GTF3C1: variants seen among roughly 807,000 people sequenced by gnomAD.
GTF3C1 encodes general transcription factor IIIC subunit 1, also known as general transcription factor 3C polypeptide 1.
In GTF3C1, 57 loss-of-function variants were observed where a neutral mutation model predicts 226.7. That is an observed-to-expected ratio of 0.25 (90% CI 0.20 to 0.31). The LOEUF (loss-of-function observed/expected upper bound fraction) is 0.31. Among genes scored for constraint, GTF3C1 ranks in the 10% least tolerant of loss-of-function variants. The probability of loss-of-function intolerance (pLI) is 1.00; values close to 1 mark genes in which losing one functional copy is unlikely to be tolerated. For synonymous variants in GTF3C1, 1,090 were observed against 1,084.8 expected (o/e 1.00, Z -0.09); for missense variants, 2,217 against 2,776.1 (o/e 0.80, Z 4.53).
rs1028496201 is a variant in GTF3C1 at position 27,478,458 on chromosome 16, T to C, written c.4259+11A>G. 3 of 1,559,238 alleles carry C rather than the reference T, an allele frequency of 1.9e-6. No homozygotes were observed. In the South Asian group the frequency reaches 3.3e-5, roughly 17 times the overall value. ...AGCTGAGGAAAAGCTACTCTATATA[T>C]CAGTACTTACCTGTTAAGTTCATCC... is the stretch of plus-strand genomic sequence containing the variant. On this transcript the variant is annotated intron_variant, in intron 28 of 36. Coordinates refer to ENST00000356183, the MANE Select transcript of GTF3C1 (RefSeq NM_001520.4).
In GTF3C1 at chr16:27,465,410, A is replaced by G. The variant is rs1309397448; in HGVS notation, c.5205T>C (p.Ser1735=). The part of the protein sequence containing the change: ...FVLQLELSGY[S]PEDLTAALEI... ...CCAAGGCAGCAGTCAGGTCTTCGGGACTATACCCAGACAGCTCCAGCTGGA... is the reference window on the plus strand; with the variant it reads ...CCAAGGCAGCAGTCAGGTCTTCGGGGCTATACCCAGACAGCTCCAGCTGGA... Residue 1735 remains serine (S), a synonymous_variant, in exon 33 of 37, where the codon AGT becomes AGC. Transcript: ENST00000356183. 6.2e-7 allele frequency: 1 copy of G among 1,614,068 alleles called. No individual in the cohort carries two copies.
Position 27,495,422 on chromosome 16 carries a change from C to T in GTF3C1, c.2421G>A (p.Leu807=), listed in dbSNP as rs527810527. The change falls in exon 15 of 37, where the codon CTG becomes CTA. Residue 807 remains leucine (L), a synonymous_variant. Coordinates refer to ENST00000356183, the MANE Select transcript of GTF3C1 (RefSeq NM_001520.4). ...MPRLRVVHMF[L]WYLIYGHPAS... The stretch of plus-strand genomic sequence containing the variant: ...CAGGGTGCCCGTAGATGAGGTACCA[C>T]AGAAACATGTGGACCACCCGCAGGC... 697 of 1,614,082 alleles carry T rather than the reference C, an allele frequency of 4.3e-4. 7 individuals are homozygous for T. The South Asian group carries it at 7.2e-3, about 17-fold the overall frequency.
intron 1 of GTF3C1, among the ~76,000 whole-genome samples, chr16:27,547,333 G>A (rs752298964): frequency 5.3e-5 from 8 of 152,070 alleles, no homozygotes; most frequent in Admixed American, 2.6e-4. Flanking sequence ...TCACTCCCAC[G>A]AAGCCAGATG....
rs370771096 is a variant in GTF3C1, at chr16:27,505,249, T to C, written c.1770+650A>G. Among the ~76,000 whole-genome samples, 53 of 152,388 alleles carry C rather than the reference T, an allele frequency of 3.5e-4. 1 individual carries two copies. Among genetic ancestry groups the C allele is most frequent in the African/African-American group, 1.2e-3 (50 of 41,596 alleles). ...GATATATAACAGTAACTGGCTGGAATGTACTAATACAGTTTTGACTTTATT... is the reference window on the plus strand; with the variant it reads ...GATATATAACAGTAACTGGCTGGAACGTACTAATACAGTTTTGACTTTATT... On this transcript the variant is annotated intron_variant, in intron 10 of 36. Coordinates refer to ENST00000356183, the MANE Select transcript of GTF3C1 (RefSeq NM_001520.4).
intron 27 of GTF3C1, 101 bp from the exon 28 acceptor site, chr16:27,478,632 G>A: frequency 1.2e-6 from 1 of 834,482 alleles, no homozygotes; most frequent in Non-Finnish European, 2.1e-6. Flanking sequence ...AAAGTGTTGG[G>A]AGTGGGAGAA....
intron 2 of GTF3C1, 145 bp downstream of exon 2, chr16:27,545,169 G>T: frequency 3.0e-6 from 2 of 668,660 alleles, no homozygotes; most frequent in Non-Finnish European, 5.3e-6. Flanking sequence ...TAGAAACAGC[G>T]TTTTGCCATG....
chr16:27,494,870 G>A lies in GTF3C1; in HGVS notation c.2671C>T (p.Pro891Ser), dbSNP rs1326140147. The A allele has an allele frequency of 1.2e-6, 2 of 1,613,378 alleles. No homozygotes were observed. The highest frequency in any genetic ancestry group is 1.1e-5 in the South Asian group (1 of 91,060). ...CCGAAGTCCCTGTGGACTGGGATTG[G>A]GGGGATGTAGCGCATCCACGAGGCA... Reference protein sequence around the residue: ...DDASWMRYIPPIPVHRDFGFG... With the variant: ...DDASWMRYIPSIPVHRDFGFG... Residue 891 changes from proline (P) to serine (S), a missense_variant, in exon 16 of 37, where the codon CCA (proline) becomes TCA (serine). Around this residue, in one of 12 missense-constraint regions of GTF3C1, gnomAD observed 353 missense variants for 411.7 expected, o/e 0.86. Coordinates refer to ENST00000356183, the MANE Select transcript of GTF3C1 (RefSeq NM_001520.4).
intron 6 of GTF3C1, among the ~76,000 whole-genome samples, chr16:27,525,585 T>C (rs1309278730): frequency 2.0e-5 from 3 of 152,182 alleles, no homozygotes; most frequent in African/African-American, 7.2e-5. Context: ...TTAACTAAGC[T>C]AGGAAATAAA....
intron 1 of GTF3C1, among the ~76,000 whole-genome samples, chr16:27,546,082 G>A (rs978227911): frequency 2.6e-5 from 4 of 152,024 alleles, no homozygotes; most frequent in Non-Finnish European, 5.9e-5. Context: ...TCCTGACCTC[G>A]GTGATCCACC....
chr16:27,485,933 G>A, intron 24 of GTF3C1, 64 bp downstream of exon 24: 1 of 1,125,508 alleles, frequency 8.9e-7, no homozygotes, highest in Admixed American at 2.3e-5. Context: ...GTCCCCGGAA[G>A]GCTCAGACAG....
intron 32 of GTF3C1, chr16:27,465,848 T>G (rs1287516313): frequency 5.2e-6 from 2 of 386,400 alleles, no homozygotes; most frequent in African/African-American, 2.0e-5. Context: ...GTTCGAGAAC[T>G]GTAAAGTCCA....
Position 27,470,992 on chromosome 16 carries a change from C to G in GTF3C1, c.4527-597G>C, listed in dbSNP as rs2087858691. Among the ~76,000 whole-genome samples, 1 of 152,246 alleles carries G rather than the reference C, an allele frequency of 6.6e-6. No homozygotes were observed. The highest frequency in any genetic ancestry group is 1.5e-5 in the Non-Finnish European group (1 of 68,044). On this transcript the variant is annotated intron_variant, in intron 30 of 36. Transcript: ENST00000356183. The surrounding 1 kb of genome is among the most constrained non-coding windows in gnomAD (Gnocchi z 4.9). ...CTTGTTGGATTTGGGCACGTATCTTCTGCTGCCACACCTACTTCCCAGAGG... is the reference window on the plus strand; with the variant it reads ...CTTGTTGGATTTGGGCACGTATCTTGTGCTGCCACACCTACTTCCCAGAGG...
chr16:27,476,339 G>C, intron 29 of GTF3C1, 112 bp downstream of exon 29: 1 of 641,396 alleles, frequency 1.6e-6, no homozygotes, highest in Non-Finnish European at 2.8e-6. Flanking sequence ...CTGGCATTTT[G>C]GGGGAATCAG....
intron 26 of GTF3C1, chr16:27,482,367 C>A: frequency 2.4e-6 from 1 of 419,534 alleles, no homozygotes. Flanking sequence ...TGTATACTCT[C>A]ATTAGGTTAG....
intron 27 of GTF3C1, 46 bp from the exon 28 acceptor site, chr16:27,478,577 T>G: frequency 7.5e-7 from 1 of 1,333,154 alleles, no homozygotes; most frequent in Non-Finnish European, 1.1e-6. Context: ...AAACAGCTCC[T>G]CACTAAGCAA....
chr16:27,483,981 A>G (rs556887658), intron 25 of GTF3C1, among the ~76,000 whole-genome samples: 60 of 152,256 alleles, frequency 3.9e-4, no homozygotes, highest in Non-Finnish European at 7.1e-4. Flanking sequence ...ACCACCACCT[A>G]CTTCTCATGG....
In GTF3C1 at chr16:27,492,912, C is replaced by A. The variant is rs1002117976; in HGVS notation, c.2877-199G>T. Among the ~76,000 whole-genome samples, 5 of 152,084 alleles carry A rather than the reference C, an allele frequency of 3.3e-5. No homozygotes were observed. Among genetic ancestry groups the A allele is most frequent in the African/African-American group, 1.2e-4 (5 of 41,400 alleles). ...ACCCAACCAGGGCCACAGAGATCAACCCGACACTAGGGATTTGATTTGGAA... is the reference window on the plus strand; with the variant it reads ...ACCCAACCAGGGCCACAGAGATCAAACCGACACTAGGGATTTGATTTGGAA... On this transcript the variant is annotated intron_variant, in intron 17 of 36. Coordinates refer to ENST00000356183, the MANE Select transcript of GTF3C1 (RefSeq NM_001520.4). The surrounding 1 kb of genome is among the most constrained non-coding windows in gnomAD (Gnocchi z 5.0).
At chr16:27,496,647 G>C (rs1203269501) in intron 14 of GTF3C1, among the ~76,000 whole-genome samples, 4 of 152,180 alleles carry the variant, frequency 2.6e-5, no homozygotes, top group African/African-American at 9.7e-5. Context: ...CTCATGATAT[G>C]CTCCACTTGG....
At chr16:27,520,865 C>G (rs181153712) in intron 6 of GTF3C1, among the ~76,000 whole-genome samples, 1 of 152,066 alleles carries the variant, frequency 6.6e-6, no homozygotes, top group Admixed American at 6.5e-5. Context: ...ATTACAGGCA[C>G]CTGCCACCAT....
Sources: allele counts gnomAD v4.1 joint callset (sites outside exome capture counted in the v4.1 genomes callset), GRCh38; gene constraint gnomAD v4.1.1; regional missense constraint gnomAD v4.1.1; non-coding constraint Gnocchi (gnomAD v3.1); transcripts MANE v1.5; gene names NCBI Gene and HGNC (gene_info 2026-07-23, HGNC 2026-07-21).